The following GLIS3 variants were observed in gnomAD, a reference collection of about 807,000 sequenced individuals.
The protein encoded by GLIS3 is zinc finger protein GLIS3.
A neutral mutation model predicts 78.6 loss-of-function variants in GLIS3; 53 were observed. The observed-to-expected ratio is 0.67, with a 90% CI of 0.54 to 0.85. The LOEUF (loss-of-function observed/expected upper bound fraction) is 0.85. Ranked by LOEUF, GLIS3 falls within the 40% of genes least tolerant of loss-of-function variation. The probability of loss-of-function intolerance (pLI) is 0.00; values close to 1 mark genes in which losing one functional copy is unlikely to be tolerated. For missense variants in GLIS3, 1,703 were observed against 1,231.1 expected (o/e 1.38, Z -5.74); for synonymous variants, 684 against 509.9 (o/e 1.34, Z -4.60).
In GLIS3 at chr9:4,012,446, C is replaced by T. The variant is rs577638406; in HGVS notation, c.1711-75257G>A. On this transcript the variant is annotated intron_variant, in intron 4 of 10. Transcript: ENST00000381971. ...GTATCAGGGGAAAAAAATAGACCCACACACACAAAAAAAACAGTCAATGAT... is the reference window on the plus strand; with the variant it reads ...GTATCAGGGGAAAAAAATAGACCCATACACACAAAAAAAACAGTCAATGAT... Among the ~76,000 whole-genome samples, 321 of 152,106 alleles carry T rather than the reference C, an allele frequency of 2.1e-3. 2 individuals carry two copies. Among genetic ancestry groups the T allele is most frequent in the African/African-American group, 6.3e-3 (263 of 41,514 alleles).
At chr9:4,008,221 G>T (rs948040233) in intron 4 of GLIS3, among the ~76,000 whole-genome samples, 3 of 152,120 alleles carry the variant, frequency 2.0e-5, no homozygotes, top group African/African-American at 7.2e-5. Flanking sequence ...CATTTCCACA[G>T]TCCCAGCAAT....
At chr9:4,247,664 AC>A (rs1384006174) in intron 2 of GLIS3, among the ~76,000 whole-genome samples, 1 of 152,216 alleles carries the variant, frequency 6.6e-6, no homozygotes, top group East Asian at 1.9e-4. Context: ...AGATAAAAAA[AC>A]AAATATTTAA....
chr9:4,085,086 T>G (rs1301660923), intron 4 of GLIS3, among the ~76,000 whole-genome samples: 1 of 152,074 alleles, frequency 6.6e-6, no homozygotes, highest in Non-Finnish European at 1.5e-5. Context: ...CAAAACAGCT[T>G]GCAAATGAAG....
intron 2 of GLIS3, among the ~76,000 whole-genome samples, chr9:4,325,589 G>T (rs938973242): frequency 6.6e-6 from 1 of 152,048 alleles, no homozygotes; most frequent in Non-Finnish European, 1.5e-5. Flanking sequence ...ATAACCTCCA[G>T]GATGCCTTTT....
At chr9:4,321,025 A>G (rs1563931902) in intron 2 of GLIS3, among the ~76,000 whole-genome samples, 1 of 151,930 alleles carries the variant, frequency 6.6e-6, no homozygotes, top group East Asian at 1.9e-4. Flanking sequence ...GACCCCAGCC[A>G]TTTCTGCAGC....
intron 2 of GLIS3, among the ~76,000 whole-genome samples, chr9:4,159,773 G>C (rs1835337756): frequency 6.6e-6 from 1 of 152,048 alleles, no homozygotes; most frequent in Non-Finnish European, 1.5e-5. Context: ...ATCTGTGCTT[G>C]GGGGTTGGCC....
At chr9:4,034,800 A>G (rs946071851) in intron 4 of GLIS3, 8 of 152,164 alleles carry the variant, frequency 5.3e-5, no homozygotes, top group Non-Finnish European at 1.0e-4. Flanking sequence ...ACCCCAGAGT[A>G]TGGAATCTTG....
chr9:4,188,666 A>G (rs1161129172), intron 2 of GLIS3, among the ~76,000 whole-genome samples: 1 of 152,136 alleles, frequency 6.6e-6, no homozygotes, highest in East Asian at 1.9e-4. Context: ...TATTGCCTCA[A>G]TTTCAGAGCC....
At chr9:4,430,012 T>C in the GLIS3 span, among the ~76,000 whole-genome samples, 1 of 148,752 alleles carries the variant, frequency 6.7e-6, no homozygotes, top group Non-Finnish European at 1.5e-5. Context: ...GAATCCGAAA[T>C]CTGTCCTCTT....
rs978576897 is a variant in GLIS3, at chr9:3,824,944, G to A, written c.*3328C>T. Reference sequence around the variant, plus strand: ...GCAAAAAAAAAAAAAAATAATAACCGCAGAAATTCCACACCACTAACAAAA... The same window carrying A: ...GCAAAAAAAAAAAAAAATAATAACCACAGAAATTCCACACCACTAACAAAA... On this transcript the variant is annotated 3_prime_UTR_variant, in exon 11 of 11. Coordinates refer to ENST00000381971, the MANE Select transcript of GLIS3 (RefSeq NM_001042413.2). 9 of 134,314 alleles carry A rather than the reference G, an allele frequency of 6.7e-5. No homozygotes were observed. Among genetic ancestry groups the A allele is most frequent in the Non-Finnish European group, 9.4e-5 (6 of 63,706 alleles). 8.3% of individuals were successfully genotyped at this position (134,314 alleles called of 1,614,324 possible). A position where few individuals can be genotyped will look rare whatever the true frequency, so the allele number is the denominator to read the frequency against.
chr9:4,462,243 T>G, the GLIS3 span, among the ~76,000 whole-genome samples: 1 of 152,160 alleles, frequency 6.6e-6, no homozygotes, highest in African/African-American at 2.4e-5. Context: ...CTGTAAACTT[T>G]TTCACCATTC....
intron 4 of GLIS3, among the ~76,000 whole-genome samples, chr9:3,974,317 A>T (rs1818611479): frequency 6.6e-6 from 1 of 152,184 alleles, no homozygotes. Flanking sequence ...TTCTTTTCTA[A>T]TTAAATTCTA....
chr9:4,051,059 G>A (rs1731863096), intron 4 of GLIS3, among the ~76,000 whole-genome samples: 1 of 152,200 alleles, frequency 6.6e-6, no homozygotes, highest in African/African-American at 2.4e-5. Flanking sequence ...TCAGAGGACT[G>A]TCTGAAAGCA....
the GLIS3 span, among the ~76,000 whole-genome samples, chr9:4,360,820 G>T: frequency 6.6e-6 from 1 of 152,256 alleles, no homozygotes; most frequent in East Asian, 1.9e-4. Flanking sequence ...TCACTTGGGA[G>T]CAGGCATTTC....
At chr9:4,290,548 T>G (rs998657634) in intron 1 of GLIS3, among the ~76,000 whole-genome samples, 3 of 152,118 alleles carry the variant, frequency 2.0e-5, no homozygotes, top group Admixed American at 1.3e-4. Flanking sequence ...AGCCTATTGA[T>G]AGATAATATA....
chr9:4,475,037 A>C, the GLIS3 span, among the ~76,000 whole-genome samples: 2 of 124,902 alleles, frequency 1.6e-5, no homozygotes, highest in Non-Finnish European at 1.6e-5. Flanking sequence ...TCTGTCGACC[A>C]GGCTAGAGTG....
the GLIS3 span, among the ~76,000 whole-genome samples, chr9:4,364,896 G>T: frequency 1.3e-5 from 2 of 151,124 alleles, no homozygotes; most frequent in African/African-American, 4.9e-5. Flanking sequence ...CAATCCTCTT[G>T]CCTCAGCCTC....
chr9:4,230,925 A>G (rs1822199198), intron 2 of GLIS3, among the ~76,000 whole-genome samples: 1 of 152,166 alleles, frequency 6.6e-6, no homozygotes, highest in South Asian at 2.1e-4. Context: ...AAATGTTTAG[A>G]GCCAGGTGCA....
chr9:4,247,855 C>A (rs1228065485), intron 2 of GLIS3, among the ~76,000 whole-genome samples: 1 of 152,056 alleles, frequency 6.6e-6, no homozygotes, highest in African/African-American at 2.4e-5. Flanking sequence ...TTAAATCAAG[C>A]TAATTAGCAT....
Sources: allele counts gnomAD v4.1 joint callset (sites outside exome capture counted in the v4.1 genomes callset), GRCh38; gene constraint gnomAD v4.1.1; transcripts MANE v1.5; gene names NCBI Gene and HGNC (gene_info 2026-07-23, HGNC 2026-07-21).